Variants in MYOM2 observed in about 807,000 individuals in gnomAD.
MYOM2 encodes the protein myomesin-2.
A neutral mutation model predicts 187.6 loss-of-function variants in MYOM2; 254 were observed. The ratio of observed to expected loss-of-function variants is 1.35; its 90% CI spans 1.22 to 1.50. The LOEUF is 1.50. Ranked by LOEUF, MYOM2 falls within the 40% of genes most tolerant of loss-of-function variation. MYOM2 has a pLI of 0.00. For synonymous variants in MYOM2, 981 were observed against 753.8 expected, an observed-to-expected ratio of 1.30 and a Z score of -4.94; for missense variants, 2,796 against 1,924.0, an observed-to-expected ratio of 1.45 and a Z score of -8.48.
intron 10 of MYOM2, among the ~76,000 whole-genome samples, chr8:2,075,130 A>G (rs573667842): frequency 6.6e-6 from 1 of 152,304 alleles, no homozygotes; most frequent in Admixed American, 6.5e-5. Context: ...GAAAGAGAAG[A>G]AATGTCAACC....
chr8:2,140,476 A>G (rs1173050889), intron 32 of MYOM2, among the ~76,000 whole-genome samples: 1 of 152,250 alleles, frequency 6.6e-6, no homozygotes, highest in African/African-American at 2.4e-5. Flanking sequence ...TAAGTCCATT[A>G]TGTCGTGACA....
chr8:2,088,225 C>T (rs777919657), intron 14 of MYOM2, among the ~76,000 whole-genome samples: 1 of 152,096 alleles, frequency 6.6e-6, no homozygotes, highest in Non-Finnish European at 1.5e-5. Context: ...CCCCCAAGTC[C>T]CCAGAGTCTA....
At chr8:2,134,103 C>T (rs1797973086) in intron 32 of MYOM2, among the ~76,000 whole-genome samples, 1 of 152,180 alleles carries the variant, frequency 6.6e-6, no homozygotes, top group Admixed American at 6.5e-5. Flanking sequence ...TGATGTAATA[C>T]TATTAACTCT....
chr8:2,045,646 C>T (rs192742320), intron 1 of MYOM2, among the ~76,000 whole-genome samples: 3 of 152,350 alleles, frequency 2.0e-5, no homozygotes, highest in South Asian at 2.1e-4. Context: ...ATATTATCCA[C>T]GGTATGGGAA....
At chr8:2,131,524 T>G (rs1479942209) in intron 32 of MYOM2, among the ~76,000 whole-genome samples, 2 of 151,836 alleles carry the variant, frequency 1.3e-5, no homozygotes, top group Admixed American at 1.3e-4. Context: ...AAAGCATCCC[T>G]AGATACAAAA....
chr8:2,052,173 G>A lies in MYOM2; in HGVS notation c.123G>A (p.Gln41=), dbSNP rs1457143801. 6.2e-7 allele frequency: 1 copy of A among 1,613,418 alleles called. No homozygotes were observed. The highest frequency in any genetic ancestry group is 1.7e-4 in the Middle Eastern group (1 of 6,052). The change falls in exon 3 of 37, where the codon CAG becomes CAA. Residue 41 remains glutamine (Q), a synonymous_variant. Transcript: ENST00000262113. ...GTTCCTGAAGGCGAGCTTCCACCCA[G>A]GCATCTTCCCAGAAGTCCTTGAGTC... is the stretch of plus-strand genomic sequence containing the variant. ...EYASKKRAST[Q]ASSQKSLSQR...
chr8:2,105,756 C>A (rs1796866723), intron 21 of MYOM2, among the ~76,000 whole-genome samples: 1 of 152,224 alleles, frequency 6.6e-6, no homozygotes. Context: ...ACGATTCTCT[C>A]ATCAGTCCTG....
At chr8:2,068,797 C>T (rs1419937750) in intron 6 of MYOM2, among the ~76,000 whole-genome samples, 1 of 152,198 alleles carries the variant, frequency 6.6e-6, no homozygotes, top group Non-Finnish European at 1.5e-5. Flanking sequence ...CCTGAAGCAG[C>T]ACTCTGCCTT....
chr8:2,137,693 C>T (rs1798130158), intron 32 of MYOM2, among the ~76,000 whole-genome samples: 2 of 152,092 alleles, frequency 1.3e-5, no homozygotes, highest in African/African-American at 4.8e-5. Context: ...CAGAAGAGTT[C>T]CACATGCTTG....
intron 32 of MYOM2, among the ~76,000 whole-genome samples, chr8:2,134,892 A>G (rs1043221524): frequency 1.3e-5 from 2 of 152,152 alleles, no homozygotes; most frequent in African/African-American, 4.8e-5. Flanking sequence ...GCTCCTGGAC[A>G]AAGGTTGGCA....
At chr8:2,132,515 G>T (rs73657733) in intron 32 of MYOM2, among the ~76,000 whole-genome samples, 21,154 of 152,082 alleles carry the variant, frequency 0.14, 2,579 homozygotes, top group African/African-American at 0.31. Flanking sequence ...AGATCTCAAA[G>T]TCTGAACATA....
intron 10 of MYOM2, among the ~76,000 whole-genome samples, chr8:2,074,500 G>C (rs973555420): frequency 6.6e-6 from 1 of 152,016 alleles, no homozygotes; most frequent in Admixed American, 6.5e-5. Flanking sequence ...TGTCGCCCAG[G>C]CTGGAGTGCA....
intron 21 of MYOM2, among the ~76,000 whole-genome samples, chr8:2,105,339 A>T (rs913673940): frequency 6.6e-6 from 1 of 152,076 alleles, no homozygotes; most frequent in East Asian, 1.9e-4. Context: ...CCTCAGTTCC[A>T]CTCACCAGCA....
At chr8:2,100,298 G>C (rs549138914) in intron 19 of MYOM2, 1 of 152,098 alleles carries the variant, frequency 6.6e-6, no homozygotes, top group South Asian at 2.1e-4. Flanking sequence ...CTAGTTTCCC[G>C]AGCCTCTTTT....
chr8:2,064,457 G>T (rs559631306), intron 6 of MYOM2, among the ~76,000 whole-genome samples: 25 of 152,310 alleles, frequency 1.6e-4, no homozygotes, highest in Non-Finnish European at 3.1e-4. Context: ...CGTCGTCAGT[G>T]GGTCGGGATC....
At chr8:2,106,454 A>G (rs2116802050) in intron 22 of MYOM2, 37 bp from the exon 23 acceptor site, 1 of 1,610,316 alleles carries the variant, frequency 6.2e-7, no homozygotes, top group Non-Finnish European at 8.5e-7. Flanking sequence ...CTGCAAACAG[A>G]AATGATCGAC....
In MYOM2 at chr8:2,046,332, C is replaced by A. The variant is rs769459887; in HGVS notation, c.-13+1164C>A. 2.6e-4 allele frequency among the ~76,000 whole-genome samples: 39 copies of A among 152,280 alleles called. 1 individual carries two copies. Among genetic ancestry groups the A allele is most frequent in the Non-Finnish European group, 1.5e-5 (1 of 68,026 alleles). On this transcript the variant is annotated intron_variant, in intron 1 of 36. Coordinates refer to ENST00000262113, the MANE Select transcript of MYOM2 (RefSeq NM_003970.4). ...GGTCCCCTGCACTGGAGGAGAGGCT[C>A]GCGTTTCATCCTGGTGTCATGATTC...
In MYOM2 at chr8:2,106,381, T is replaced by G. The variant is rs3817705; in HGVS notation, c.2874T>G (p.Ile958Met). The change falls in exon 22 of 37, where the codon ATT becomes ATG. Residue 958 changes from isoleucine to methionine, a missense_variant. Transcript: ENST00000262113. ...EEISDDERFK[I>M]ETVGDHSKLY... is the part of the protein sequence containing the mutation. ...TTTCAGATGATGAGAGGTTTAAAAT[T>G]GAAACCGTGGGGGATCAGTAAGTGA... The G allele has an allele frequency of 9.3e-6, 15 of 1,613,640 alleles. No individual in the cohort carries two copies. Among genetic ancestry groups the G allele is most frequent in the Admixed American group, 5.0e-5 (3 of 59,992 alleles).
Position 2,116,109 on chromosome 8 carries a change from G to A in MYOM2, c.3325+5G>A. 1 of 1,574,944 alleles carries A rather than the reference G, an allele frequency of 6.3e-7. No individual in the cohort carries two copies. Among genetic ancestry groups the A allele is most frequent in the Non-Finnish European group, 8.6e-7 (1 of 1,169,232 alleles). On this transcript the variant is annotated splice_donor_5th_base_variant and intron_variant, in intron 26 of 36. Coordinates refer to ENST00000262113, the MANE Select transcript of MYOM2 (RefSeq NM_003970.4). Reference sequence around the variant, plus strand: ...CTCTAGTTCTTATTGGAGATGGTATGCTATATCGAATATTTCCACGTCCAT... The same window carrying A: ...CTCTAGTTCTTATTGGAGATGGTATACTATATCGAATATTTCCACGTCCAT...
Sources: gnomAD v4.1 joint callset for allele counts (sites outside exome capture counted in the v4.1 genomes callset) on GRCh38, gnomAD v4.1.1 for gene constraint, MANE v1.5 for transcripts, NCBI Gene and HGNC (gene_info 2026-07-23, HGNC 2026-07-21) for gene names.